The following TANGO6 variants were observed in gnomAD, a reference collection of about 807,000 sequenced individuals.
The protein encoded by TANGO6 is transport and Golgi organization protein 6 homolog.
Under a neutral mutation model 114.2 loss-of-function variants are expected in TANGO6, and 90 were observed. The ratio of observed to expected loss-of-function variants is 0.79; its 90% confidence interval spans 0.66 to 0.94. The LOEUF (loss-of-function observed/expected upper bound fraction) is 0.94, where lower values mean the gene tolerates loss of function less well. TANGO6 is among the 40% of genes least tolerant of loss of function. The pLI, the probability that TANGO6 is intolerant of heterozygous loss-of-function variation, is 0.00. For missense variants in TANGO6, 1,274 were observed against 1,315.3 expected (o/e 0.97, Z 0.49); for synonymous variants, 477 against 509.8 (o/e 0.94, Z 0.87).
At chr16:69,065,747 T>A (rs951267815) in intron 17 of TANGO6, among the ~76,000 whole-genome samples, 1 of 152,236 alleles carries the variant, frequency 6.6e-6, no homozygotes, top group Non-Finnish European at 1.5e-5. Context: ...TAATCCTGCC[T>A]TTCTTTACTG....
At position 68,860,446 on chromosome 16, in the gene TANGO6, C is replaced by T. The variant is rs1322259066; in HGVS notation, c.657C>T (p.His219=). The T allele has an allele frequency of 1.2e-6, 2 of 1,614,044 alleles. No individual in the cohort carries two copies. Among genetic ancestry groups the T allele is most frequent in the Non-Finnish European group, 1.7e-6 (2 of 1,179,896 alleles). The stretch of plus-strand genomic sequence containing the variant: ...TGGGGAGCTTGATCTTCTGCCACCA[C>T]TTTGGGGATATCGCAGCAGGTCTGT... ...TSLGSLIFCH[H]FGDIAAGLCQ... Residue 219 remains histidine, a synonymous_variant, in exon 2 of 18, where the codon CAC becomes CAT. Transcript: ENST00000261778.
At position 68,862,957 on chromosome 16, in the gene TANGO6, G is replaced by A; in HGVS notation, c.748G>A (p.Glu250Lys). The A allele has an allele frequency of 6.3e-7, 1 of 1,594,030 alleles. No homozygotes were observed. Among genetic ancestry groups the A allele is most frequent in the Non-Finnish European group, 8.5e-7 (1 of 1,170,126 alleles). ...ATATTTCTTTTAGGTTCTAACTGAAGAGGAGAGAACCCTATCCAGGGGGGC... is the reference window on the plus strand; with the variant it reads ...ATATTTCTTTTAGGTTCTAACTGAAAAGGAGAGAACCCTATCCAGGGGGGC... ...LTPAEEVLTEEERTLSRGALR... is the reference protein window; with the variant it reads ...LTPAEEVLTEKERTLSRGALR... Residue 250 changes from glutamate to lysine, a missense_variant, in exon 3 of 18, where the codon GAG (glutamate) becomes AAG (lysine). Glu to Lys is a moderately conservative substitution (Grantham distance 56, BLOSUM62 1). This residue lies in a region of TANGO6 where 908 missense variants were observed against 910.2 expected (regional missense o/e 1.00). Transcript: ENST00000261778.
At chr16:68,899,524 T>G (rs1371226958) in intron 7 of TANGO6, among the ~76,000 whole-genome samples, 1 of 152,060 alleles carries the variant, frequency 6.6e-6, no homozygotes, top group Middle Eastern at 3.2e-3. Context: ...TTTTTTAATT[T>G]TTTTCATAGG....
chr16:68,955,222 A>G (rs1230854577), intron 14 of TANGO6, among the ~76,000 whole-genome samples: 2 of 152,244 alleles, frequency 1.3e-5, no homozygotes, highest in Non-Finnish European at 2.9e-5. Flanking sequence ...CTTGGAAACC[A>G]GACCATAATA....
At chr16:69,040,756 A>G (rs950877457) in intron 17 of TANGO6, among the ~76,000 whole-genome samples, 4 of 152,132 alleles carry the variant, frequency 2.6e-5, no homozygotes, top group Non-Finnish European at 4.4e-5. Context: ...AACTTCAGTG[A>G]CTTGCCTTTC....
intron 1 of TANGO6, chr16:68,846,620 C>T (rs1432403274): frequency 2.2e-5 from 4 of 185,252 alleles, no homozygotes; most frequent in South Asian, 7.3e-5. Context: ...CCCAGCCTCC[C>T]GAGTAATTGG....
chr16:68,921,825 G>A (rs1963098364), intron 12 of TANGO6, among the ~76,000 whole-genome samples: 1 of 151,978 alleles, frequency 6.6e-6, no homozygotes, highest in African/African-American at 2.4e-5. Context: ...GAGCCATCCT[G>A]ACTCACTGAT....
chr16:68,911,657 T>C (rs1413271384), intron 11 of TANGO6, among the ~76,000 whole-genome samples: 1 of 152,122 alleles, frequency 6.6e-6, no homozygotes, highest in Non-Finnish European at 1.5e-5. Flanking sequence ...CCTCAAGCAA[T>C]CCACCTGTCT....
At chr16:68,984,244 C>T (rs1389785764) in intron 15 of TANGO6, among the ~76,000 whole-genome samples, 1 of 152,028 alleles carries the variant, frequency 6.6e-6, no homozygotes, top group Non-Finnish European at 1.5e-5. Flanking sequence ...AAGAAATTTT[C>T]ATCAAAACTC....
intron 14 of TANGO6, among the ~76,000 whole-genome samples, chr16:68,956,186 ATAGGGTAACATAT>A (rs1484549278): frequency 6.6e-6 from 1 of 152,118 alleles, no homozygotes; most frequent in Non-Finnish European, 1.5e-5. Flanking sequence ...CAACTATTAC[ATAGGGTAACATAT>A]TTAAAACACT....
At chr16:69,072,852 A>T (rs1281941021) in intron 17 of TANGO6, among the ~76,000 whole-genome samples, 1 of 152,158 alleles carries the variant, frequency 6.6e-6, no homozygotes, top group East Asian at 1.9e-4. Context: ...GAAAGAGCAG[A>T]ATACCTGTGA....
chr16:68,906,936 G>A (rs759191331), intron 9 of TANGO6, among the ~76,000 whole-genome samples: 4 of 151,860 alleles, frequency 2.6e-5, no homozygotes, highest in Non-Finnish European at 5.9e-5. Context: ...TGGGATTATA[G>A]GCATGAGCCA....
chr16:68,917,950 C>T (rs1202258796), intron 11 of TANGO6, among the ~76,000 whole-genome samples: 2 of 148,242 alleles, frequency 1.3e-5, no homozygotes, highest in Non-Finnish European at 3.0e-5. Context: ...GATAGGATCT[C>T]ACTCCGTTGC....
chr16:69,031,202 G>A (rs891240536), intron 16 of TANGO6, among the ~76,000 whole-genome samples: 5 of 151,986 alleles, frequency 3.3e-5, no homozygotes, highest in South Asian at 2.1e-4. Context: ...TGTTTCTACA[G>A]AATCAATCCC....
At chr16:68,849,334 A>C (rs534727572) in intron 1 of TANGO6, among the ~76,000 whole-genome samples, 59 of 149,186 alleles carry the variant, frequency 4.0e-4, no homozygotes, top group African/African-American at 1.5e-3. Context: ...ACCCTGTCCC[A>C]AAAAAAAAGA....
chr16:69,066,956 G>A (rs978337056), intron 17 of TANGO6, among the ~76,000 whole-genome samples: 2 of 152,126 alleles, frequency 1.3e-5, no homozygotes, highest in Non-Finnish European at 2.9e-5. Context: ...GAATGCAGTG[G>A]TGCAATCACG....
intron 10 of TANGO6, among the ~76,000 whole-genome samples, chr16:68,908,176 TAAGTA>T (rs1272265110): frequency 2.0e-5 from 3 of 152,144 alleles, no homozygotes; most frequent in Non-Finnish European, 2.9e-5. Flanking sequence ...CTTCTTCCCC[TAAGTA>T]AAGTGTCTAC....
intron 14 of TANGO6, among the ~76,000 whole-genome samples, chr16:68,944,162 T>C (rs1356795615): frequency 1.3e-5 from 2 of 152,208 alleles, no homozygotes; most frequent in Non-Finnish European, 2.9e-5. Flanking sequence ...CTGTAATGTT[T>C]GAACATGTTA....
intron 16 of TANGO6, 29 bp from the exon 17 acceptor site, chr16:69,040,279 A>G: frequency 6.4e-7 from 1 of 1,556,388 alleles, no homozygotes; most frequent in African/African-American, 1.4e-5. Context: ...TCTGATTCTT[A>G]TCAACTTCAT....
Sources: gnomAD v4.1 joint callset for allele counts (sites outside exome capture counted in the v4.1 genomes callset) on GRCh38, gnomAD v4.1.1 for gene constraint, gnomAD v4.1.1 regional missense constraint, MANE v1.5 for transcripts, NCBI Gene and HGNC (gene_info 2026-07-23, HGNC 2026-07-21) for gene names.